The following SLC9A9 variants were observed in gnomAD, a reference collection of about 807,000 sequenced individuals.
SLC9A9 encodes solute carrier family 9 member A9.
In SLC9A9, 62 loss-of-function variants were observed where a neutral mutation model predicts 77.8. That is an observed-to-expected ratio of 0.80 (90% CI 0.65 to 0.98). SLC9A9 has a LOEUF of 0.98. SLC9A9 is among the 50% of genes least tolerant of loss of function. SLC9A9 has a pLI of 0.00. For synonymous variants in SLC9A9, 320 were observed against 283.5 expected, an observed-to-expected ratio of 1.13 and a Z score of -1.29; for missense variants, 775 against 774.9, an observed-to-expected ratio of 1.00 and a Z score of 0.00.
At chr3:143,539,408 A>G (rs2036647564) in intron 9 of SLC9A9, among the ~76,000 whole-genome samples, 1 of 152,234 alleles carries the variant, frequency 6.6e-6, no homozygotes, top group African/African-American at 2.4e-5. Context: ...CATTTGCTGC[A>G]TCTTTCAAGA....
chr3:143,313,544 C>G (rs1218037381), intron 14 of SLC9A9, among the ~76,000 whole-genome samples: 1 of 152,152 alleles, frequency 6.6e-6, no homozygotes, highest in Non-Finnish European at 1.5e-5. Flanking sequence ...CCTTTTTGGT[C>G]ATAAGATTTC....
intron 2 of SLC9A9, among the ~76,000 whole-genome samples, chr3:143,807,469 C>A (rs964991603): frequency 1.3e-5 from 2 of 151,708 alleles, no homozygotes; most frequent in Non-Finnish European, 2.9e-5. Flanking sequence ...AGGAGAAAAA[C>A]AAACCATTTT....
chr3:143,699,494 T>C (rs1204363268), intron 4 of SLC9A9, among the ~76,000 whole-genome samples: 2 of 152,136 alleles, frequency 1.3e-5, no homozygotes, highest in Non-Finnish European at 2.9e-5. Flanking sequence ...GTAGCATGGA[T>C]AAAGAGAATC....
chr3:143,446,848 A>G (rs2034852081), intron 12 of SLC9A9, among the ~76,000 whole-genome samples: 1 of 151,364 alleles, frequency 6.6e-6, no homozygotes, highest in African/African-American at 2.4e-5. Flanking sequence ...AAATGCTTCA[A>G]TATGGCTGAG....
chr3:143,307,142 T>C (rs777725777), intron 14 of SLC9A9, among the ~76,000 whole-genome samples: 4 of 152,248 alleles, frequency 2.6e-5, no homozygotes, highest in Non-Finnish European at 5.9e-5. Context: ...GAGAAGATGA[T>C]GTACAACTCA....
At chr3:143,540,128 G>A (rs2036661763) in intron 9 of SLC9A9, among the ~76,000 whole-genome samples, 1 of 152,162 alleles carries the variant, frequency 6.6e-6, no homozygotes, top group South Asian at 2.1e-4. Flanking sequence ...GTGCCACCAA[G>A]ACATTGCCTA....
At chr3:143,627,632 G>T (rs2038354615) in intron 6 of SLC9A9, 1 of 297,416 alleles carries the variant, frequency 3.4e-6, no homozygotes, top group Non-Finnish European at 6.5e-6. Flanking sequence ...AGATCCCAAA[G>T]GACTGTGCTG....
intron 9 of SLC9A9, among the ~76,000 whole-genome samples, chr3:143,540,814 A>C (rs1015697115): frequency 6.6e-6 from 1 of 152,210 alleles, no homozygotes; most frequent in African/African-American, 2.4e-5. Flanking sequence ...CATTAATAAG[A>C]ATAACTTATA....
intron 1 of SLC9A9, among the ~76,000 whole-genome samples, chr3:143,835,396 T>TA (rs2009543658): frequency 6.6e-6 from 1 of 152,200 alleles, no homozygotes; most frequent in South Asian, 2.1e-4. Flanking sequence ...CACATCTGGT[T>TA]AAAAAACCCA....
At chr3:143,726,251 G>GAA (rs3055626) in intron 4 of SLC9A9, among the ~76,000 whole-genome samples, 73,267 of 136,748 alleles carry the variant, frequency 0.54, 20,140 homozygotes, top group Non-Finnish European at 0.59. Flanking sequence ...AATAAAAAAA[G>GAA]AAAAAAAAAA....
chr3:143,338,294 C>A (rs1053469009), intron 14 of SLC9A9, among the ~76,000 whole-genome samples: 1 of 152,138 alleles, frequency 6.6e-6, no homozygotes, highest in South Asian at 2.1e-4. Flanking sequence ...TTTCAGCTTG[C>A]ACAAGGAATG....
chr3:143,276,018 G>A (rs1226369436), intron 14 of SLC9A9, among the ~76,000 whole-genome samples: 4 of 152,076 alleles, frequency 2.6e-5, no homozygotes, highest in African/African-American at 9.7e-5. Context: ...TCCCTCCCCA[G>A]CTGATCTAGA....
chr3:143,395,820 T>G (rs2033714776), intron 12 of SLC9A9, among the ~76,000 whole-genome samples: 1 of 152,164 alleles, frequency 6.6e-6, no homozygotes, highest in South Asian at 2.1e-4. Context: ...AAAGAACACA[T>G]TTATGCAGCC....
intron 14 of SLC9A9, among the ~76,000 whole-genome samples, chr3:143,352,081 A>G (rs537618341): frequency 2.0e-3 from 303 of 152,330 alleles, no homozygotes; most frequent in African/African-American, 7.1e-3. Context: ...CCTGCAGTGC[A>G]CACAGTCAGC....
intron 9 of SLC9A9, among the ~76,000 whole-genome samples, chr3:143,549,449 G>A (rs1243576091): frequency 1.3e-5 from 2 of 152,050 alleles, no homozygotes; most frequent in Non-Finnish European, 2.9e-5. Flanking sequence ...ATGAAGAAAG[G>A]GATGAAAATG....
chr3:143,777,486 C>T (rs1203221763), intron 4 of SLC9A9, among the ~76,000 whole-genome samples: 1 of 152,104 alleles, frequency 6.6e-6, no homozygotes, highest in African/African-American at 2.4e-5. Context: ...AAACTATTTT[C>T]TAGTGAACTA....
intron 4 of SLC9A9, among the ~76,000 whole-genome samples, chr3:143,701,543 C>T (rs11917687): frequency 0.67 from 101,449 of 151,704 alleles, 34,348 homozygotes; most frequent in East Asian, 0.88. Flanking sequence ...AGTCTTTCAA[C>T]AGCAGAATTG....
chr3:143,617,036 C>A (rs1379266792), intron 6 of SLC9A9, among the ~76,000 whole-genome samples: 1 of 152,080 alleles, frequency 6.6e-6, no homozygotes, highest in Non-Finnish European at 1.5e-5. Flanking sequence ...CACAGCTGGG[C>A]TTTAGAAAGA....
intron 12 of SLC9A9, among the ~76,000 whole-genome samples, chr3:143,420,043 G>T (rs1430431511): frequency 6.6e-6 from 1 of 152,200 alleles, no homozygotes; most frequent in Non-Finnish European, 1.5e-5. Flanking sequence ...CATGGCCAGA[G>T]TTCCATGAAT....
Sources: allele counts gnomAD v4.1 joint callset (sites outside exome capture counted in the v4.1 genomes callset), GRCh38; gene constraint gnomAD v4.1.1; transcripts MANE v1.5; gene names NCBI Gene and HGNC (gene_info 2026-07-23, HGNC 2026-07-21).